The following SPTBN1 variants were observed in gnomAD, a reference collection of about 807,000 sequenced individuals.
SPTBN1 encodes the protein spectrin beta chain, non-erythrocytic 1.
Under a neutral mutation model 266.4 loss-of-function variants are expected in SPTBN1, and 32 were observed. The ratio of observed to expected loss-of-function variants is 0.12; its 90% CI spans 0.09 to 0.16. The LOEUF is 0.16. Ranked by LOEUF, SPTBN1 falls within the 10% of genes least tolerant of loss-of-function variation. The pLI is 1.00. For synonymous variants in SPTBN1, 1,336 were observed against 1,162.2 expected (o/e 1.15, Z -3.04); for missense variants, 2,296 against 3,067.1 (o/e 0.75, Z 5.94).
intron 2 of SPTBN1, among the ~76,000 whole-genome samples, chr2:54,592,577 G>A (rs575635945): frequency 4.3e-4 from 66 of 152,172 alleles, no homozygotes; most frequent in Admixed American, 2.6e-4. Flanking sequence ...AGAGATGGGG[G>A]TTTCTCCATG....
intron 1 of SPTBN1, among the ~76,000 whole-genome samples, chr2:54,519,660 G>A (rs1468474473): frequency 1.3e-5 from 2 of 152,128 alleles, no homozygotes; most frequent in Non-Finnish European, 2.9e-5. Context: ...TTATTCTGAT[G>A]GCATTGGGAG....
intron 1 of SPTBN1, among the ~76,000 whole-genome samples, chr2:54,467,280 T>C (rs1693685632): frequency 6.6e-6 from 1 of 152,180 alleles, no homozygotes; most frequent in African/African-American, 2.4e-5. Context: ...TTATCTTATT[T>C]ACTTGAATGG....
intron 2 of SPTBN1, among the ~76,000 whole-genome samples, chr2:54,575,132 T>G (rs891781197): frequency 6.6e-6 from 1 of 152,178 alleles, no homozygotes; most frequent in Non-Finnish European, 1.5e-5. Flanking sequence ...TATACATCCA[T>G]CAGCACATGG....
intron 1 of SPTBN1, among the ~76,000 whole-genome samples, chr2:54,497,858 G>A (rs759115543): frequency 3.9e-5 from 6 of 152,112 alleles, no homozygotes; most frequent in Non-Finnish European, 7.4e-5. Context: ...ATAAAAACAG[G>A]GTTCCAGCTC....
chr2:54,651,361 T>C (rs1680272608), intron 26 of SPTBN1, among the ~76,000 whole-genome samples: 1 of 103,774 alleles, frequency 9.6e-6, no homozygotes. Context: ...CACCTCACCA[T>C]ACCCACTGGG....
chr2:54,671,018 A>G lies in SPTBN1; in HGVS notation c.*2449A>G, dbSNP rs1387377335. The G allele has an allele frequency of 7.7e-6, 3 of 389,944 alleles. No homozygotes were observed. Among genetic ancestry groups the G allele is most frequent in the Non-Finnish European group, 9.0e-6 (2 of 221,478 alleles). The allele number at this position is 389,944 out of a possible 1,614,324, so 24.2% of individuals were successfully genotyped here. On this transcript the variant is annotated 3_prime_UTR_variant, in exon 36 of 36. Coordinates refer to ENST00000356805, the MANE Select transcript of SPTBN1 (RefSeq NM_003128.3). Reference sequence around the variant, plus strand: ...AGGATTTTGCATATTTCTTGTTGCCATAATGCTGTGCTATTTTACCCTGAT... The same window carrying G: ...AGGATTTTGCATATTTCTTGTTGCCGTAATGCTGTGCTATTTTACCCTGAT...
chr2:54,624,524 A>G lies in SPTBN1; in HGVS notation c.1183-280A>G, dbSNP rs150541279. Among the ~76,000 whole-genome samples, 36 of 152,354 alleles carry G rather than the reference A, an allele frequency of 2.4e-4. 1 individual carries two copies. In the East Asian group the frequency reaches 5.6e-3, roughly 24 times the overall value. On this transcript the variant is annotated intron_variant, in intron 10 of 35. Coordinates refer to ENST00000356805, the MANE Select transcript of SPTBN1 (RefSeq NM_003128.3). ...TATTTCCTCTTAAAGTAAGAGATTTATAATTTACTTATATTGCTTCATAGC... is the reference window on the plus strand; with the variant it reads ...TATTTCCTCTTAAAGTAAGAGATTTGTAATTTACTTATATTGCTTCATAGC...
chr2:54,462,796 A>G lies in SPTBN1; in HGVS notation c.-48+6278A>G, dbSNP rs564707862. ...TAAAATGGAAGACTTAGATGAAATC[A>G]TAGTGGGGGTTAAAACATGGCACAT... On this transcript the variant is annotated intron_variant, in intron 1 of 35. Coordinates refer to ENST00000356805, the MANE Select transcript of SPTBN1 (RefSeq NM_003128.3). Among the ~76,000 whole-genome samples, 19 of 152,374 alleles carry G rather than the reference A, an allele frequency of 1.2e-4. No individual in the cohort carries two copies. In the South Asian group the frequency reaches 3.7e-3, roughly 30 times the overall value.
At chr2:54,458,847 G>T (rs1157772579) in intron 1 of SPTBN1, among the ~76,000 whole-genome samples, 2 of 152,190 alleles carry the variant, frequency 1.3e-5, no homozygotes, top group Admixed American at 6.5e-5. Context: ...AGCCAAGGGC[G>T]TGCCTGCTTG....
intron 1 of SPTBN1, among the ~76,000 whole-genome samples, chr2:54,481,425 TGTGTGTGTGTGTGTG>T (rs1354708051): frequency 0.013 from 1,225 of 96,838 alleles, 16 homozygotes; most frequent in African/African-American, 0.037. Flanking sequence ...TGTGTGTGTG[TGTGTGTGTGTGTGTG>T]TTTTGTTTTG....
intron 1 of SPTBN1, among the ~76,000 whole-genome samples, chr2:54,507,221 G>T (rs557890927): frequency 6.6e-6 from 1 of 152,286 alleles, no homozygotes; most frequent in Non-Finnish European, 1.5e-5. Context: ...ATCTTCAGTT[G>T]CTTCAGGCCA....
At chr2:54,644,286 C>G (rs1206234274) in intron 19 of SPTBN1, 37 bp from the exon 20 acceptor site, 2 of 1,581,154 alleles carry the variant, frequency 1.3e-6, no homozygotes, top group South Asian at 2.3e-5. Context: ...CTGTAGCAAA[C>G]TTGTTTATTT....
intron 1 of SPTBN1, among the ~76,000 whole-genome samples, chr2:54,514,060 T>C (rs1363878540): frequency 2.0e-5 from 3 of 152,234 alleles, no homozygotes; most frequent in Admixed American, 2.0e-4. Flanking sequence ...GATAAATTTC[T>C]ATGCAGCAGA....
At chr2:54,505,773 C>T (rs981379353) in intron 1 of SPTBN1, among the ~76,000 whole-genome samples, 4 of 152,178 alleles carry the variant, frequency 2.6e-5, no homozygotes, top group African/African-American at 9.7e-5. Flanking sequence ...ATTGAGCTTG[C>T]CACGTTTTCC....
chr2:54,523,922 G>T, intron 1 of SPTBN1, among the ~76,000 whole-genome samples: 1 of 152,136 alleles, frequency 6.6e-6, no homozygotes, highest in South Asian at 2.1e-4. Context: ...GATAACAGCC[G>T]GGCATGGTGG....
intron 35 of SPTBN1, 53 bp from the exon 36 acceptor site, chr2:54,668,298 C>A: frequency 6.4e-7 from 1 of 1,571,968 alleles, no homozygotes; most frequent in South Asian, 1.1e-5. Context: ...GGAGCCAGAA[C>A]CCCTCATGCC....
chr2:54,520,898 C>G (rs1670396823), intron 1 of SPTBN1, among the ~76,000 whole-genome samples: 1 of 152,090 alleles, frequency 6.6e-6, no homozygotes, highest in Non-Finnish European at 1.5e-5. Context: ...AGGGGAGATT[C>G]CCTTTCCTTG....
At position 54,612,267 on chromosome 2, in the gene SPTBN1, A is replaced by T; in HGVS notation, c.407A>T (p.His136Leu). The part of the protein sequence containing the change: ...QRVHLENMGS[H>L]DIVDGNHRLT... ...GTCCATCTTGAGAACATGGGGTCCC[A>T]TGACATCGTGGATGGAAACCACCGG... The change falls in exon 4 of 36, where the codon CAT becomes CTT. Residue 136 changes from histidine to leucine, a missense_variant. This residue lies in a region of SPTBN1 where 178 missense variants were observed against 375.7 expected (regional missense o/e 0.47). Transcript: ENST00000356805. 6.2e-7 allele frequency: 1 copy of T among 1,614,128 alleles called. No individual in the cohort carries two copies. Among genetic ancestry groups the T allele is most frequent in the Non-Finnish European group, 8.5e-7 (1 of 1,179,962 alleles).
intron 17 of SPTBN1, among the ~76,000 whole-genome samples, chr2:54,636,824 G>A (rs959162508): frequency 6.6e-6 from 1 of 152,230 alleles, no homozygotes; most frequent in Non-Finnish European, 1.5e-5. Context: ...CAACTCAGGA[G>A]TATCAAGGAA....
Sources: gnomAD v4.1 joint callset for allele counts (sites outside exome capture counted in the v4.1 genomes callset) on GRCh38, gnomAD v4.1.1 for gene constraint, gnomAD v4.1.1 regional missense constraint, MANE v1.5 for transcripts, NCBI Gene and HGNC (gene_info 2026-07-23, HGNC 2026-07-21) for gene names.